Variants in CALD1 observed in about 807,000 individuals in gnomAD.
CALD1 encodes caldesmon 1, also known as caldesmon.
A neutral mutation model predicts 99.9 loss-of-function variants in CALD1; 33 were observed. That is an observed-to-expected ratio of 0.33 (90% confidence interval 0.25 to 0.44). The LOEUF (loss-of-function observed/expected upper bound fraction) is 0.44. CALD1 is among the 20% of genes least tolerant of loss of function. The pLI, the probability that CALD1 is intolerant of heterozygous loss-of-function variation, is 1.00. For synonymous variants in CALD1, 310 were observed against 325.0 expected (o/e 0.95, Z 0.50); for missense variants, 861 against 962.1 (o/e 0.89, Z 1.39).
At chr7:134,820,954 G>A (rs182184970) in intron 1 of CALD1, among the ~76,000 whole-genome samples, 98 of 151,824 alleles carry the variant, frequency 6.5e-4, no homozygotes, top group African/African-American at 2.1e-3. Flanking sequence ...CAGTGAAGGA[G>A]AGGGGAGGAG....
At chr7:134,846,083 C>T (rs1799840258) in intron 2 of CALD1, among the ~76,000 whole-genome samples, 1 of 152,186 alleles carries the variant, frequency 6.6e-6, no homozygotes, top group African/African-American at 2.4e-5. Context: ...AGACAAACTT[C>T]CTTTGGGCCC....
At chr7:134,758,442 G>A (rs983535862) in intron 1 of CALD1, among the ~76,000 whole-genome samples, 4 of 151,864 alleles carry the variant, frequency 2.6e-5, no homozygotes, top group Non-Finnish European at 2.9e-5. Flanking sequence ...CTGGTCATTT[G>A]GGATATAAGC....
chr7:134,907,985 T>C (rs79773511), intron 3 of CALD1, among the ~76,000 whole-genome samples: 53 of 152,234 alleles, frequency 3.5e-4, no homozygotes, highest in African/African-American at 1.2e-3. Flanking sequence ...ACCTAGGTTT[T>C]TTCTCTTTTT....
intron 1 of CALD1, among the ~76,000 whole-genome samples, chr7:134,792,173 A>G (rs1442372461): frequency 2.0e-5 from 3 of 152,030 alleles, no homozygotes; most frequent in Non-Finnish European, 2.9e-5. Flanking sequence ...GGTTCCTTCA[A>G]GGGCTGTGAG....
intron 3 of CALD1, chr7:134,891,504 C>A: frequency 6.7e-7 from 1 of 1,483,114 alleles, no homozygotes. Flanking sequence ...CATCCTGCAC[C>A]GTGCATTTCA....
In CALD1 at chr7:134,965,389, A is replaced by G. The variant is rs1699001347; in HGVS notation, c.2376+3A>G. The G allele has an allele frequency of 1.4e-6, 2 of 1,422,828 alleles. No individual in the cohort carries two copies. The highest frequency in any genetic ancestry group is 9.9e-7 in the Non-Finnish European group (1 of 1,005,554). 88.1% of individuals were successfully genotyped at this position (1,422,828 alleles called of 1,614,324 possible). On this transcript the variant is annotated splice_donor_region_variant and intron_variant, in intron 14 of 14. Transcript: ENST00000361675. ...ATAAGGTCACTTCCCCCACTAAGGT[A>G]ATCTATTGGGAAGACTAGTATTTCA... is the stretch of plus-strand genomic sequence containing the variant.
chr7:134,764,449 T>C (rs1193346694), intron 1 of CALD1, among the ~76,000 whole-genome samples: 1 of 152,226 alleles, frequency 6.6e-6, no homozygotes, highest in African/African-American at 2.4e-5. Context: ...TTTTTAAAAT[T>C]GTGTTTGCCT....
intron 1 of CALD1, among the ~76,000 whole-genome samples, chr7:134,817,427 A>G (rs1232676029): frequency 2.6e-5 from 4 of 152,208 alleles, no homozygotes; most frequent in Non-Finnish European, 5.9e-5. Context: ...AACATCTTGC[A>G]TAACTACAGT....
At chr7:134,889,432 C>G (rs547698806) in intron 3 of CALD1, among the ~76,000 whole-genome samples, 2 of 152,304 alleles carry the variant, frequency 1.3e-5, no homozygotes, top group South Asian at 4.2e-4. Context: ...TTCCAGCACA[C>G]CTGGATAATC....
At chr7:134,720,822 G>A in the CALD1 span, among the ~76,000 whole-genome samples, 1 of 152,214 alleles carries the variant, frequency 6.6e-6, no homozygotes, top group Admixed American at 6.5e-5. Context: ...GCTTTCAGTA[G>A]GAGGCCTGAA....
chr7:134,853,640 C>T (rs907634487), intron 2 of CALD1, among the ~76,000 whole-genome samples: 5 of 152,200 alleles, frequency 3.3e-5, no homozygotes, highest in Non-Finnish European at 7.3e-5. Context: ...GCTGCATTCA[C>T]ATCTTATATG....
At chr7:134,950,343 G>A (rs1807238289) in intron 8 of CALD1, 31 bp from the exon 9 acceptor site, 1 of 1,612,068 alleles carries the variant, frequency 6.2e-7, no homozygotes, top group East Asian at 2.2e-5. Flanking sequence ...AGCTGGTACT[G>A]ATGCCTCGTT....
At chr7:134,889,319 C>G (rs1802029153) in intron 3 of CALD1, among the ~76,000 whole-genome samples, 1 of 152,152 alleles carries the variant, frequency 6.6e-6, no homozygotes, top group Admixed American at 6.5e-5. Context: ...GACCCCCTCT[C>G]CATCTTCAAA....
upstream of CALD1, among the ~76,000 whole-genome samples, chr7:134,778,948 C>A (rs1585910071): frequency 6.6e-6 from 1 of 152,188 alleles, no homozygotes; most frequent in South Asian, 2.1e-4. Flanking sequence ...CTAAAAAAGA[C>A]CTACGCTTTT....
chr7:134,744,346 G>C (rs937181928), exon 1 of CALD1: 1 of 152,126 alleles, frequency 6.6e-6, no homozygotes, highest in Non-Finnish European at 1.5e-5. Flanking sequence ...GGGATTTAGT[G>C]TGCAGCTTGA....
At chr7:134,732,710 A>G in the CALD1 span, among the ~76,000 whole-genome samples, 1 of 152,226 alleles carries the variant, frequency 6.6e-6, no homozygotes, top group Admixed American at 6.5e-5. Context: ...TGACACTTCC[A>G]ATTTTATTTC....
intron 9 of CALD1, among the ~76,000 whole-genome samples, chr7:134,955,514 A>G (rs992287509): frequency 1.3e-5 from 2 of 152,228 alleles, no homozygotes; most frequent in Admixed American, 1.3e-4. Flanking sequence ...GAAGTCCAAA[A>G]TCAAGGTGCA....
chr7:134,968,380 G>A lies in CALD1; in HGVS notation c.*35G>A. 6.2e-7 allele frequency: 1 copy of A among 1,606,932 alleles called. No individual in the cohort carries two copies. Among genetic ancestry groups the A allele is most frequent in the Non-Finnish European group, 8.5e-7 (1 of 1,173,466 alleles). On this transcript the variant is annotated 3_prime_UTR_variant, in exon 15 of 15. Transcript: ENST00000361675. The stretch of plus-strand genomic sequence containing the variant: ...AGAAAGAACCCAAGCTCAAGACGCA[G>A]GACGAGCTCAGTTGTAGAGGGCTAA...
At chr7:134,744,416 T>C (rs895771092) in intron 1 of CALD1, 5 of 151,958 alleles carry the variant, frequency 3.3e-5, no homozygotes, top group Non-Finnish European at 5.9e-5. Flanking sequence ...AAGTTGGTTT[T>C]AAACATTTAT....
Sources: allele counts gnomAD v4.1 joint callset (sites outside exome capture counted in the v4.1 genomes callset), GRCh38; gene constraint gnomAD v4.1.1; transcripts MANE v1.5; gene names NCBI Gene and HGNC (gene_info 2026-07-23, HGNC 2026-07-21).